The following GALNT13 variants were observed in gnomAD, a reference collection of about 807,000 sequenced individuals.
GALNT13 encodes the protein UDP-GalNAc:polypeptide N-acetylgalactosaminyltransferase 13.
GALNT13 carries 28 observed loss-of-function variants against 64.2 expected under a neutral mutation model. That is an observed-to-expected ratio of 0.44 (90% CI 0.32 to 0.60). The LOEUF (loss-of-function observed/expected upper bound fraction) is 0.60, where lower values mean the gene tolerates loss of function less well. Among genes scored for constraint, GALNT13 ranks in the 20% least tolerant of loss-of-function variants. The pLI is 0.05. For synonymous variants in GALNT13, 214 were observed against 224.6 expected (o/e 0.95, Z 0.42); for missense variants, 577 against 669.8 (o/e 0.86, Z 1.53).
chr2:153,182,669 T>C, the GALNT13 span, among the ~76,000 whole-genome samples: 2 of 152,136 alleles, frequency 1.3e-5, no homozygotes. Flanking sequence ...ATGGTCCCAC[T>C]ATCTCATCAT....
Position 154,205,464 on chromosome 2 carries a change from G to A in GALNT13, c.312-36566G>A, listed in dbSNP as rs140229645. On this transcript the variant is annotated intron_variant, in intron 4 of 12. Transcript: ENST00000392825. Reference sequence around the variant, plus strand: ...GAAAAAAAGATTGTAAATTAGCTAGGCAATAACTTAACATGAATTATATAT... The same window carrying A: ...GAAAAAAAGATTGTAAATTAGCTAGACAATAACTTAACATGAATTATATAT... 1.1e-3 allele frequency among the ~76,000 whole-genome samples: 165 copies of A among 152,194 alleles called. 1 individual carries two copies. Among genetic ancestry groups the A allele is most frequent in the African/African-American group, 3.8e-3 (156 of 41,538 alleles).
the GALNT13 span, among the ~76,000 whole-genome samples, chr2:153,300,443 G>T: frequency 1.3e-5 from 2 of 152,192 alleles, no homozygotes; most frequent in East Asian, 3.8e-4. Flanking sequence ...TGACAAGACT[G>T]TCTGAAGCAT....
chr2:153,267,049 G>T, the GALNT13 span, among the ~76,000 whole-genome samples: 1 of 152,224 alleles, frequency 6.6e-6, no homozygotes, highest in Non-Finnish European at 1.5e-5. Context: ...AAACAAAGGG[G>T]CCACAGGCCC....
the GALNT13 span, among the ~76,000 whole-genome samples, chr2:153,319,433 C>T: frequency 6.6e-6 from 1 of 151,992 alleles, no homozygotes; most frequent in Non-Finnish European, 1.5e-5. Flanking sequence ...ATCCCCATGC[C>T]CAGGTAGCTA....
At chr2:154,206,192 G>A (rs1344735774) in intron 4 of GALNT13, among the ~76,000 whole-genome samples, 1 of 151,408 alleles carries the variant, frequency 6.6e-6, no homozygotes, top group Non-Finnish European at 1.5e-5. Flanking sequence ...TAGTAGAGAC[G>A]GGGTTTCACC....
the GALNT13 span, among the ~76,000 whole-genome samples, chr2:153,241,422 A>G: frequency 6.6e-6 from 1 of 152,186 alleles, no homozygotes; most frequent in Admixed American, 6.5e-5. Context: ...TTTGTTCCCC[A>G]TGCAGCTTTG....
chr2:153,730,710 A>C, the GALNT13 span, among the ~76,000 whole-genome samples: 2 of 151,906 alleles, frequency 1.3e-5, no homozygotes, highest in African/African-American at 2.4e-5. Context: ...AGAAAAAAAA[A>C]TAAGCCCATT....
the GALNT13 span, among the ~76,000 whole-genome samples, chr2:153,736,698 CA>C: frequency 1.3e-5 from 2 of 152,200 alleles, no homozygotes; most frequent in East Asian, 3.8e-4. Context: ...CACACTGACA[CA>C]TCCAAGTTGA....
chr2:153,192,328 A>G, the GALNT13 span, among the ~76,000 whole-genome samples: 26,159 of 151,836 alleles, frequency 0.17, 2,420 homozygotes, highest in African/African-American at 0.2. Flanking sequence ...CTTAATTTTC[A>G]TGTATTTATA....
At chr2:153,899,296 A>G (rs1688077584) in intron 1 of GALNT13, among the ~76,000 whole-genome samples, 1 of 152,156 alleles carries the variant, frequency 6.6e-6, no homozygotes, top group Non-Finnish European at 1.5e-5. Context: ...TGAGCAAGTG[A>G]TGTAATTAGT....
At chr2:154,205,089 A>G (rs556623695) in intron 4 of GALNT13, among the ~76,000 whole-genome samples, 2 of 152,272 alleles carry the variant, frequency 1.3e-5, no homozygotes, top group East Asian at 3.9e-4. Flanking sequence ...TCATCGGGTG[A>G]ATAGGATCCT....
the GALNT13 span, among the ~76,000 whole-genome samples, chr2:153,517,371 G>A: frequency 1.3e-5 from 2 of 152,228 alleles, no homozygotes; most frequent in African/African-American, 2.4e-5. Flanking sequence ...TTTCTTACTC[G>A]ATAAAAGGAA....
intron 9 of GALNT13, among the ~76,000 whole-genome samples, chr2:154,355,487 A>G (rs1459827926): frequency 6.6e-6 from 1 of 152,076 alleles, no homozygotes; most frequent in African/African-American, 2.4e-5. Context: ...CTGATATTGT[A>G]TTTGCCACAC....
Position 153,969,334 on chromosome 2 carries a change from A to C in GALNT13, c.142+24695A>C, listed in dbSNP as rs188845110. 7.8e-3 allele frequency among the ~76,000 whole-genome samples: 1,187 copies of C among 152,140 alleles called. 23 individuals carry two copies. Among genetic ancestry groups the C allele is most frequent in the African/African-American group, 0.027 (1,116 of 41,574 alleles). On this transcript the variant is annotated intron_variant, in intron 3 of 12. Coordinates refer to ENST00000392825, the MANE Select transcript of GALNT13 (RefSeq NM_052917.4). ...AATTCCTTCAATTAGAAAAACTTAA[A>C]AATTTTTTTAAATTAAAAATTACCT... is the stretch of plus-strand genomic sequence containing the variant.
At chr2:154,286,276 A>G (rs913024247) in intron 8 of GALNT13, among the ~76,000 whole-genome samples, 2 of 152,230 alleles carry the variant, frequency 1.3e-5, no homozygotes, top group East Asian at 1.9e-4. Context: ...ACAAGCTTTC[A>G]GCATTTCACT....
chr2:153,723,774 A>G, the GALNT13 span, among the ~76,000 whole-genome samples: 2 of 151,522 alleles, frequency 1.3e-5, no homozygotes, highest in Admixed American at 6.6e-5. Context: ...TTCAAGGAGA[A>G]CTACAAACCA....
chr2:153,385,986 CATG>C, the GALNT13 span, among the ~76,000 whole-genome samples: 1 of 151,816 alleles, frequency 6.6e-6, no homozygotes, highest in Non-Finnish European at 1.5e-5. Flanking sequence ...GTTTCTGTAC[CATG>C]ATAAAATTTC....
the GALNT13 span, among the ~76,000 whole-genome samples, chr2:153,667,247 T>C: frequency 6.6e-6 from 1 of 152,144 alleles, no homozygotes; most frequent in African/African-American, 2.4e-5. Flanking sequence ...CCAGCCTCAC[T>C]AGACAGGTAA....
chr2:153,777,586 CA>C, the GALNT13 span, among the ~76,000 whole-genome samples: 1 of 152,160 alleles, frequency 6.6e-6, no homozygotes. Flanking sequence ...CTCTTCTACT[CA>C]CATTTTATTG....
Sources: gnomAD v4.1 joint callset for allele counts (sites outside exome capture counted in the v4.1 genomes callset) on GRCh38, gnomAD v4.1.1 for gene constraint, MANE v1.5 for transcripts, NCBI Gene and HGNC (gene_info 2026-07-23, HGNC 2026-07-21) for gene names.